NRXN3: variants seen among roughly 807,000 people sequenced by gnomAD.
NRXN3 encodes neurexin 3, also known as neurexin III.
Under a neutral mutation model 137.6 loss-of-function variants are expected in NRXN3, and 32 were observed. The ratio of observed to expected loss-of-function variants is 0.23; its 90% CI spans 0.18 to 0.31. The LOEUF is 0.31. NRXN3 is among the 10% of genes least tolerant of loss of function. The probability of loss-of-function intolerance (pLI) is 1.00; values close to 1 mark genes in which losing one functional copy is unlikely to be tolerated. For missense variants in NRXN3, 1,574 were observed against 2,062.5 expected (o/e 0.76, Z 4.59); for synonymous variants, 798 against 784.5 (o/e 1.02, Z -0.29).
intron 15 of NRXN3, among the ~76,000 whole-genome samples, chr14:79,125,929 G>A (rs148537387): frequency 5.3e-4 from 81 of 151,946 alleles, no homozygotes; most frequent in African/African-American, 1.9e-3. Context: ...AACTCCTTTC[G>A]TTAAAAGCAT....
chr14:78,427,180 T>C (rs2093696550), intron 4 of NRXN3, among the ~76,000 whole-genome samples: 1 of 152,170 alleles, frequency 6.6e-6, no homozygotes, highest in Admixed American at 6.5e-5. Context: ...GGCAAAGCTA[T>C]TTTCTCTAGA....
Position 78,188,582 on chromosome 14 carries a change from C to T in NRXN3, c.-704+17908C>T, listed in dbSNP as rs78682340. ...GATCTTGTAAGTAGGTGGAGCTCTG[C>T]CTACAGATGGGGGAAGGTATGGGCT... On this transcript the variant is annotated intron_variant, in intron 1 of 20. Transcript: ENST00000335750. 3.7e-3 allele frequency among the ~76,000 whole-genome samples: 558 copies of T among 152,236 alleles called. 29 individuals carry two copies. In the East Asian group the frequency reaches 0.095, roughly 26 times the overall value.
chr14:78,780,007 T>G (rs2098763061), intron 8 of NRXN3, among the ~76,000 whole-genome samples: 1 of 152,058 alleles, frequency 6.6e-6, no homozygotes, highest in African/African-American at 2.4e-5. Flanking sequence ...AAGACAACTC[T>G]TGGGGGTGGG....
chr14:78,776,051 G>C (rs2098743968), intron 8 of NRXN3, among the ~76,000 whole-genome samples: 1 of 152,098 alleles, frequency 6.6e-6, no homozygotes, highest in African/African-American at 2.4e-5. Context: ...TATGATCCAA[G>C]AGTCCACTTC....
intron 4 of NRXN3, among the ~76,000 whole-genome samples, chr14:78,601,355 A>G (rs1022356930): frequency 2.0e-5 from 3 of 152,122 alleles, no homozygotes; most frequent in African/African-American, 7.2e-5. Flanking sequence ...TGAGTAAAAT[A>G]TAGGGTTTCT....
intron 10 of NRXN3, among the ~76,000 whole-genome samples, chr14:78,869,405 A>T (rs1477880765): frequency 6.6e-6 from 1 of 152,100 alleles, no homozygotes; most frequent in Non-Finnish European, 1.5e-5. Flanking sequence ...CTTAAATCTA[A>T]TCACATCTCC....
chr14:78,323,684 C>A (rs952937523), intron 4 of NRXN3, among the ~76,000 whole-genome samples: 3 of 151,920 alleles, frequency 2.0e-5, no homozygotes, highest in African/African-American at 7.3e-5. Flanking sequence ...TCCTGTAGGC[C>A]CTCCCATCTG....
chr14:79,491,888 T>TA (rs1206186907), intron 16 of NRXN3, among the ~76,000 whole-genome samples: 1 of 152,220 alleles, frequency 6.6e-6, no homozygotes, highest in African/African-American at 2.4e-5. Flanking sequence ...TTTTGCTATT[T>TA]AAAAAATTCA....
chr14:78,740,262 G>T (rs1366866439), intron 8 of NRXN3, among the ~76,000 whole-genome samples: 2 of 152,122 alleles, frequency 1.3e-5, no homozygotes, highest in Non-Finnish European at 2.9e-5. Context: ...ATTGCTCACT[G>T]GTTAAACTGA....
At chr14:78,761,227 T>C (rs974367051) in intron 8 of NRXN3, among the ~76,000 whole-genome samples, 1 of 152,168 alleles carries the variant, frequency 6.6e-6, no homozygotes, top group East Asian at 1.9e-4. Context: ...GAGACCTCAA[T>C]ATCCTGAAAG....
intron 15 of NRXN3, among the ~76,000 whole-genome samples, chr14:79,240,038 G>A (rs2074024726): frequency 2.0e-5 from 3 of 151,964 alleles, no homozygotes; most frequent in Non-Finnish European, 2.9e-5. Flanking sequence ...TTGGTCAAAT[G>A]GTAAAAAATT....
intron 19 of NRXN3, among the ~76,000 whole-genome samples, chr14:79,800,889 G>C (rs2099176671): frequency 6.6e-6 from 1 of 152,096 alleles, no homozygotes; most frequent in African/African-American, 2.4e-5. Context: ...CAAAAGCCTT[G>C]GTTTGTAATG....
At chr14:78,961,897 C>A (rs1383341590) in intron 11 of NRXN3, among the ~76,000 whole-genome samples, 1 of 152,054 alleles carries the variant, frequency 6.6e-6, no homozygotes. Flanking sequence ...GCCATCAGTG[C>A]AATATGGAAG....
intron 19 of NRXN3, among the ~76,000 whole-genome samples, chr14:79,707,764 T>A (rs968527250): frequency 6.6e-6 from 1 of 152,128 alleles, no homozygotes; most frequent in African/African-American, 2.4e-5. Context: ...TTTAACATTA[T>A]CTAGCATAGT....
intron 15 of NRXN3, among the ~76,000 whole-genome samples, chr14:79,253,601 G>T (rs2076213587): frequency 6.6e-6 from 1 of 152,228 alleles, no homozygotes; most frequent in Admixed American, 6.5e-5. Context: ...TTGACTCACA[G>T]TTCCACATGT....
intron 3 of NRXN3, among the ~76,000 whole-genome samples, chr14:78,288,082 C>T (rs571656195): frequency 2.1e-4 from 32 of 151,986 alleles, no homozygotes; most frequent in Non-Finnish European, 3.2e-4. Flanking sequence ...CAAGTTCAAG[C>T]GATTCTCCTG....
intron 16 of NRXN3, among the ~76,000 whole-genome samples, chr14:79,559,623 C>T (rs2097468292): frequency 6.6e-6 from 1 of 151,766 alleles, no homozygotes; most frequent in African/African-American, 2.4e-5. Context: ...CAAGATGTGA[C>T]ACAGAGATGT....
At chr14:78,695,394 G>A (rs1200448891) in intron 6 of NRXN3, 1 of 151,916 alleles carries the variant, frequency 6.6e-6, no homozygotes, top group Non-Finnish European at 1.5e-5. Flanking sequence ...TAGATTCAAA[G>A]TGCTTGATCT....
chr14:78,265,868 G>C (rs1221765361), intron 2 of NRXN3, among the ~76,000 whole-genome samples: 1 of 152,198 alleles, frequency 6.6e-6, no homozygotes, highest in African/African-American at 2.4e-5. Flanking sequence ...TTAGTTGCTT[G>C]TCTGATTATT....
Sources: allele counts gnomAD v4.1 joint callset (sites outside exome capture counted in the v4.1 genomes callset), GRCh38; gene constraint gnomAD v4.1.1; transcripts MANE v1.5; gene names NCBI Gene and HGNC (gene_info 2026-07-23, HGNC 2026-07-21).